NCKAP5: variants seen among roughly 807,000 people sequenced by gnomAD.
NCKAP5 encodes nck-associated protein 5.
In NCKAP5, 92 loss-of-function variants were observed where a neutral mutation model predicts 167.0. The observed-to-expected ratio is 0.55, with a 90% CI of 0.47 to 0.66. The LOEUF (loss-of-function observed/expected upper bound fraction) is 0.66, where lower values mean the gene tolerates loss of function less well. NCKAP5 is among the 30% of genes least tolerant of loss of function. The probability of loss-of-function intolerance (pLI) is 0.00; values close to 1 mark genes in which losing one functional copy is unlikely to be tolerated. For synonymous variants in NCKAP5, 891 were observed against 877.4 expected, an observed-to-expected ratio of 1.02 and a Z score of -0.27; for missense variants, 2,378 against 2,315.0, an observed-to-expected ratio of 1.03 and a Z score of -0.56.
the NCKAP5 span, among the ~76,000 whole-genome samples, chr2:133,647,293 T>G: frequency 1.4e-5 from 2 of 143,164 alleles, no homozygotes; most frequent in Non-Finnish European, 3.0e-5. Context: ...GCTTTGGTCA[T>G]GCCACTGCAC....
chr2:133,430,518 A>C (rs1022401785), intron 3 of NCKAP5, among the ~76,000 whole-genome samples: 2 of 152,118 alleles, frequency 1.3e-5, no homozygotes. Flanking sequence ...CATACGTTTC[A>C]GTCTTTAATC....
intron 19 of NCKAP5, among the ~76,000 whole-genome samples, chr2:132,673,619 C>T (rs923177361): frequency 6.6e-6 from 1 of 152,124 alleles, no homozygotes; most frequent in Non-Finnish European, 1.5e-5. Flanking sequence ...AAGTTTCAAA[C>T]TCCTCTCTTT....
chr2:133,097,119 C>T (rs2081367819), intron 6 of NCKAP5, among the ~76,000 whole-genome samples: 1 of 152,112 alleles, frequency 6.6e-6, no homozygotes, highest in African/African-American at 2.4e-5. Flanking sequence ...TGATGTGTCA[C>T]AACTTCTAGA....
At chr2:132,862,765 C>CA (rs745328010) in intron 10 of NCKAP5, among the ~76,000 whole-genome samples, 2,052 of 81,068 alleles carry the variant, frequency 0.025, 53 homozygotes, top group African/African-American at 0.086. Flanking sequence ...AACCCAGTCT[C>CA]AAAAAAAAAA....
At chr2:132,889,276 A>C (rs1168645038) in intron 8 of NCKAP5, among the ~76,000 whole-genome samples, 2 of 152,216 alleles carry the variant, frequency 1.3e-5, no homozygotes, top group Admixed American at 6.5e-5. Flanking sequence ...GAGAAAAATT[A>C]AATTGTTATT....
In NCKAP5 at chr2:133,297,303, T is replaced by C. The variant is rs1248524071; in HGVS notation, c.143+5734A>G. 3.3e-5 allele frequency among the ~76,000 whole-genome samples: 5 copies of C among 152,226 alleles called. No individual in the cohort carries two copies. In the East Asian group the frequency reaches 9.6e-4, roughly 29 times the overall value. ...AGTTCTAGATTCTGACTCCATTCTC[T>C]TCTTTAGATGAATTCTCAGTTTTCC... On this transcript the variant is annotated intron_variant, in intron 4 of 19. Transcript: ENST00000409261.
intron 8 of NCKAP5, chr2:132,926,080 C>T (rs1003002671): frequency 4.3e-6 from 1 of 231,380 alleles, no homozygotes; most frequent in Non-Finnish European, 9.5e-6. Context: ...TTATCACACA[C>T]TTTAGGTCCA....
At chr2:133,381,214 A>C (rs1017645082) in intron 3 of NCKAP5, among the ~76,000 whole-genome samples, 6 of 152,178 alleles carry the variant, frequency 3.9e-5, no homozygotes, top group African/African-American at 1.4e-4. Flanking sequence ...TCCCCATTCC[A>C]TACCAATGAC....
At chr2:133,654,540 T>C in the NCKAP5 span, among the ~76,000 whole-genome samples, 1 of 152,180 alleles carries the variant, frequency 6.6e-6, no homozygotes, top group African/African-American at 2.4e-5. Flanking sequence ...ACATCCATCC[T>C]TTGGCTCTCT....
intron 4 of NCKAP5, among the ~76,000 whole-genome samples, chr2:133,258,956 G>C (rs976677509): frequency 6.6e-6 from 1 of 152,136 alleles, no homozygotes; most frequent in Non-Finnish European, 1.5e-5. Context: ...CTTCCAGAAA[G>C]AGGGGTCTTG....
At chr2:133,097,034 C>G (rs2081365490) in intron 6 of NCKAP5, among the ~76,000 whole-genome samples, 1 of 152,164 alleles carries the variant, frequency 6.6e-6, no homozygotes, top group African/African-American at 2.4e-5. Flanking sequence ...AGCTGGGCAC[C>G]TGACCACATT....
At chr2:133,114,747 T>A (rs1218997110) in intron 6 of NCKAP5, among the ~76,000 whole-genome samples, 1 of 152,200 alleles carries the variant, frequency 6.6e-6, no homozygotes, top group African/African-American at 2.4e-5. Flanking sequence ...TTTCCCATAG[T>A]TTGGATTTTG....
intron 8 of NCKAP5, among the ~76,000 whole-genome samples, chr2:132,941,471 T>A (rs568752162): frequency 1.7e-4 from 16 of 93,454 alleles, no homozygotes; most frequent in Non-Finnish European, 2.8e-4. Flanking sequence ...CCCTGGGATG[T>A]TGGCTGGAAT....
chr2:133,323,109 T>C (rs1368910791), intron 3 of NCKAP5, among the ~76,000 whole-genome samples: 1 of 152,184 alleles, frequency 6.6e-6, no homozygotes, highest in East Asian at 1.9e-4. Flanking sequence ...CACTTGTTGG[T>C]TTGTGAACAA....
intron 4 of NCKAP5, among the ~76,000 whole-genome samples, chr2:133,239,131 T>C (rs528028397): frequency 2.9e-4 from 44 of 152,322 alleles, no homozygotes; most frequent in African/African-American, 1.1e-3. Context: ...CTTATCAAAG[T>C]CCATTTAATA....
At chr2:133,627,450 G>A in the NCKAP5 span, among the ~76,000 whole-genome samples, 2 of 152,130 alleles carry the variant, frequency 1.3e-5, no homozygotes, top group Non-Finnish European at 2.9e-5. Flanking sequence ...TAAATATTTT[G>A]TGTAGGGTAA....
At position 132,785,217 on chromosome 2, in the gene NCKAP5, C is replaced by T; in HGVS notation, c.1594G>A (p.Glu532Lys). The T allele has an allele frequency of 6.4e-7, 1 of 1,572,310 alleles. No individual in the cohort carries two copies. The change falls in exon 14 of 20, where the codon GAA becomes AAA. Residue 532 changes from glutamate (E) to lysine (K), a missense_variant. Transcript: ENST00000409261. Reference protein sequence around the residue: ...LEGTSSVYPKERPEKLTSCAS... With the variant: ...LEGTSSVYPKKRPEKLTSCAS... ...CAACTTGTCAGCTTTTCAGGCCTTT[C>T]CTTGGGATAAACTGAGGATGTGCCT...
At chr2:133,298,860 G>C (rs998894027) in intron 4 of NCKAP5, among the ~76,000 whole-genome samples, 1 of 151,930 alleles carries the variant, frequency 6.6e-6, no homozygotes, top group Non-Finnish European at 1.5e-5. Flanking sequence ...TTAATACATT[G>C]GTTCACAAAA....
intron 5 of NCKAP5, among the ~76,000 whole-genome samples, chr2:133,133,465 T>A (rs575709460): frequency 6.6e-6 from 1 of 152,312 alleles, no homozygotes; most frequent in Admixed American, 6.5e-5. Flanking sequence ...CTCAAATCGC[T>A]GCACCAGAAC....
Sources: allele counts gnomAD v4.1 joint callset (sites outside exome capture counted in the v4.1 genomes callset), GRCh38; gene constraint gnomAD v4.1.1; transcripts MANE v1.5; gene names NCBI Gene and HGNC (gene_info 2026-07-23, HGNC 2026-07-21).